Variants in PCCA observed in about 807,000 individuals in gnomAD.
The protein encoded by PCCA is propionyl-CoA carboxylase subunit alpha, also known as propionyl-CoA carboxylase alpha chain, mitochondrial.
A neutral mutation model predicts 101.3 loss-of-function variants in PCCA; 74 were observed. That is an observed-to-expected ratio of 0.73 (90% CI 0.61 to 0.89). PCCA has a LOEUF of 0.89. PCCA is among the 40% of genes least tolerant of loss of function. The pLI is 0.00. For missense variants in PCCA, 891 were observed against 907.0 expected, an observed-to-expected ratio of 0.98 and a Z score of 0.23; for synonymous variants, 294 against 313.6, an observed-to-expected ratio of 0.94 and a Z score of 0.66.
intron 7 of PCCA, among the ~76,000 whole-genome samples, chr13:100,210,493 C>T (rs956325420): frequency 3.3e-5 from 5 of 152,120 alleles, no homozygotes; most frequent in African/African-American, 1.2e-4. Flanking sequence ...AGCTTCTCTC[C>T]ATGTGCATAA....
At chr13:100,466,168 G>T (rs1171899883) in intron 21 of PCCA, 1 of 152,238 alleles carries the variant, frequency 6.6e-6, no homozygotes, top group African/African-American at 2.4e-5. Context: ...TCTTCATTTT[G>T]TCTTCAGTTT....
intron 8 of PCCA, chr13:100,237,626 A>T (rs977363898): frequency 2.0e-5 from 3 of 152,192 alleles, no homozygotes; most frequent in African/African-American, 7.2e-5. Context: ...TTTCTAAAAT[A>T]GTTTAATTCC....
intron 18 of PCCA, among the ~76,000 whole-genome samples, chr13:100,345,408 C>T (rs1274258572): frequency 6.6e-6 from 1 of 151,596 alleles, no homozygotes; most frequent in African/African-American, 2.4e-5. Flanking sequence ...CCACAACATT[C>T]ACTTAAGTGA....
intron 4 of PCCA, chr13:100,149,519 T>C (rs1317328048): frequency 6.6e-6 from 1 of 152,170 alleles, no homozygotes; most frequent in Non-Finnish European, 1.5e-5. Context: ...ATAATTTTCA[T>C]TGGTTAGTAA....
At chr13:100,448,496 G>A (rs1277975522) in intron 20 of PCCA, among the ~76,000 whole-genome samples, 1 of 152,242 alleles carries the variant, frequency 6.6e-6, no homozygotes, top group Non-Finnish European at 1.5e-5. Flanking sequence ...TGGCCCAACA[G>A]ACCAGTTTTG....
intron 8 of PCCA, among the ~76,000 whole-genome samples, chr13:100,252,859 T>G (rs2061844640): frequency 6.6e-6 from 1 of 152,290 alleles, no homozygotes; most frequent in Admixed American, 6.5e-5. Context: ...GTTTCTACCT[T>G]TGCCCTTTCA....
At chr13:100,409,096 G>A (rs2077863118) in intron 19 of PCCA, among the ~76,000 whole-genome samples, 1 of 152,148 alleles carries the variant, frequency 6.6e-6, no homozygotes, top group African/African-American at 2.4e-5. Context: ...AGCAGTGGAG[G>A]AGGGAGGTAG....
At chr13:100,337,842 A>T (rs2070734059) in intron 17 of PCCA, among the ~76,000 whole-genome samples, 1 of 152,192 alleles carries the variant, frequency 6.6e-6, no homozygotes, top group Non-Finnish European at 1.5e-5. Flanking sequence ...AAGGACTTTG[A>T]TTGTGAACCA....
intron 12 of PCCA, among the ~76,000 whole-genome samples, chr13:100,297,825 G>C (rs530677080): frequency 6.6e-6 from 1 of 152,238 alleles, no homozygotes; most frequent in South Asian, 2.1e-4. Flanking sequence ...TTGAACAAAA[G>C]ATTCATGGTG....
At chr13:100,356,140 A>C (rs2073936547) in intron 18 of PCCA, among the ~76,000 whole-genome samples, 1 of 152,208 alleles carries the variant, frequency 6.6e-6, no homozygotes, top group African/African-American at 2.4e-5. Context: ...ACCTAAATGT[A>C]ACAGTGCATA....
At chr13:100,462,353 A>G (rs943299402) in intron 21 of PCCA, among the ~76,000 whole-genome samples, 8 of 152,190 alleles carry the variant, frequency 5.3e-5, no homozygotes, top group Non-Finnish European at 1.0e-4. Context: ...ACAAAAATTT[A>G]AAAGAAATCA....
intron 21 of PCCA, among the ~76,000 whole-genome samples, chr13:100,477,960 C>A (rs1458821950): frequency 6.6e-6 from 1 of 152,208 alleles, no homozygotes; most frequent in Non-Finnish European, 1.5e-5. Context: ...CGGGCAGTAC[C>A]CAGCCCTGCG....
chr13:100,279,911 G>A (rs1247582512), intron 12 of PCCA, among the ~76,000 whole-genome samples: 2 of 152,098 alleles, frequency 1.3e-5, no homozygotes, highest in African/African-American at 4.8e-5. Context: ...GTTTGAACTA[G>A]AGGGCTATAA....
intron 12 of PCCA, among the ~76,000 whole-genome samples, chr13:100,279,909 T>C (rs1008096725): frequency 6.6e-6 from 1 of 152,196 alleles, no homozygotes; most frequent in African/African-American, 2.4e-5. Flanking sequence ...CAGTTTGAAC[T>C]AGAGGGCTAT....
intron 18 of PCCA, among the ~76,000 whole-genome samples, chr13:100,357,841 G>A (rs2074112367): frequency 6.6e-6 from 1 of 152,162 alleles, no homozygotes; most frequent in South Asian, 2.1e-4. Context: ...AAATTAAGCA[G>A]GGATATCATG....
chr13:100,113,407 A>G (rs374499368), intron 4 of PCCA, among the ~76,000 whole-genome samples: 1 of 152,212 alleles, frequency 6.6e-6, no homozygotes, highest in Non-Finnish European at 1.5e-5. Flanking sequence ...GGGAGTGATC[A>G]AAGGCCTAGG....
intron 16 of PCCA, among the ~76,000 whole-genome samples, chr13:100,316,379 C>T (rs1263454159): frequency 1.3e-5 from 2 of 152,148 alleles, no homozygotes; most frequent in Admixed American, 6.5e-5. Flanking sequence ...GCTTCATTTA[C>T]GTGCTTGATG....
At chr13:100,337,692 T>A (rs1442839206) in intron 17 of PCCA, among the ~76,000 whole-genome samples, 3 of 152,224 alleles carry the variant, frequency 2.0e-5, no homozygotes, top group African/African-American at 7.2e-5. Flanking sequence ...CAATATTGCC[T>A]GAGTCCATGC....
intron 12 of PCCA, among the ~76,000 whole-genome samples, chr13:100,289,721 G>T (rs1471469567): frequency 6.6e-6 from 1 of 151,760 alleles, no homozygotes; most frequent in Non-Finnish European, 1.5e-5. Context: ...TCTGTCATTT[G>T]TAAAGATGAT....
Sources: allele counts gnomAD v4.1 joint callset (sites outside exome capture counted in the v4.1 genomes callset), GRCh38; gene constraint gnomAD v4.1.1; transcripts MANE v1.5; gene names NCBI Gene and HGNC (gene_info 2026-07-23, HGNC 2026-07-21).